Variants in NPAS3 observed in about 807,000 individuals in gnomAD.
The protein encoded by NPAS3 is neuronal PAS domain-containing protein 3.
In NPAS3, 14 loss-of-function variants were observed where a neutral mutation model predicts 73.1. The observed-to-expected ratio is 0.19, with a 90% CI of 0.13 to 0.30. The LOEUF is 0.30. NPAS3 is among the 10% of genes least tolerant of loss of function. The pLI is 1.00. For synonymous variants in NPAS3, 620 were observed against 541.5 expected (o/e 1.14, Z -2.01); for missense variants, 1,096 against 1,250.0 (o/e 0.88, Z 1.86).
Position 33,137,235 on chromosome 14 carries a change from T to C in NPAS3, c.141-77947T>C, listed in dbSNP as rs142351834. Among the ~76,000 whole-genome samples, 969 of 152,320 alleles carry C rather than the reference T, an allele frequency of 6.4e-3. 3 individuals carry two copies. The highest frequency in any genetic ancestry group is 0.024 in the Middle Eastern group (7 of 294). ...CATTAAGTGATAAAATGAATGTTTTTAGTGACTAAGGGTGAGTAGTTGGAC... is the reference window on the plus strand; with the variant it reads ...CATTAAGTGATAAAATGAATGTTTTCAGTGACTAAGGGTGAGTAGTTGGAC... On this transcript the variant is annotated intron_variant, in intron 2 of 11. Transcript: ENST00000356141.
intron 5 of NPAS3, among the ~76,000 whole-genome samples, chr14:33,575,020 G>C (rs568266540): frequency 6.6e-6 from 1 of 152,180 alleles, no homozygotes; most frequent in Non-Finnish European, 1.5e-5. Context: ...CAGGAGGAAA[G>C]CTCAAAGCAG....
intron 4 of NPAS3, among the ~76,000 whole-genome samples, chr14:33,527,664 T>C (rs1433527195): frequency 6.6e-6 from 1 of 152,154 alleles, no homozygotes; most frequent in African/African-American, 2.4e-5. Context: ...GAAGTATTAA[T>C]AGAAAGAATG....
chr14:33,071,745 C>G (rs1364180485), intron 2 of NPAS3, among the ~76,000 whole-genome samples: 1 of 152,076 alleles, frequency 6.6e-6, no homozygotes, highest in Non-Finnish European at 1.5e-5. Flanking sequence ...ACAACCTAGT[C>G]AAAGTGGTAA....
At chr14:33,523,324 A>T (rs921658557) in intron 4 of NPAS3, among the ~76,000 whole-genome samples, 2 of 152,060 alleles carry the variant, frequency 1.3e-5, no homozygotes, top group African/African-American at 4.8e-5. Flanking sequence ...GTTATCTGAC[A>T]TCATTATTAC....
At chr14:33,191,539 T>G (rs1165927447) in intron 2 of NPAS3, among the ~76,000 whole-genome samples, 1 of 152,176 alleles carries the variant, frequency 6.6e-6, no homozygotes, top group East Asian at 1.9e-4. Context: ...ACCACTACAC[T>G]TCTATGGATC....
chr14:33,398,304 C>T (rs2047308546), intron 4 of NPAS3, among the ~76,000 whole-genome samples: 1 of 151,652 alleles, frequency 6.6e-6, no homozygotes, highest in Admixed American at 6.6e-5. Flanking sequence ...TTCCCTTCTG[C>T]TATTGGGAAG....
At chr14:33,276,688 G>A (rs913885545) in intron 3 of NPAS3, among the ~76,000 whole-genome samples, 4 of 152,034 alleles carry the variant, frequency 2.6e-5, no homozygotes, top group South Asian at 2.1e-4. Context: ...GGATTATTGT[G>A]AGGATCAAAG....
intron 4 of NPAS3, among the ~76,000 whole-genome samples, chr14:33,382,340 A>G (rs890236001): frequency 6.6e-6 from 1 of 152,308 alleles, no homozygotes; most frequent in East Asian, 1.9e-4. Context: ...TATTATTTCA[A>G]TCGATACCTA....
At chr14:33,541,374 C>G (rs1328361383) in intron 4 of NPAS3, among the ~76,000 whole-genome samples, 1 of 152,208 alleles carries the variant, frequency 6.6e-6, no homozygotes, top group Non-Finnish European at 1.5e-5. Flanking sequence ...TTCCCACACA[C>G]TGTGTTCACC....
intron 4 of NPAS3, among the ~76,000 whole-genome samples, chr14:33,384,848 T>C (rs965189823): frequency 6.6e-6 from 1 of 152,200 alleles, no homozygotes; most frequent in Non-Finnish European, 1.5e-5. Flanking sequence ...CCCAGGAATC[T>C]AGTTGATGAA....
intron 2 of NPAS3, among the ~76,000 whole-genome samples, chr14:33,137,730 T>C (rs576903331): frequency 4.6e-5 from 7 of 152,320 alleles, no homozygotes; most frequent in Admixed American, 1.3e-4. Flanking sequence ...AAATTTAACA[T>C]CTCAAGAATG....
chr14:33,753,104 G>C (rs1247696514), intron 7 of NPAS3, among the ~76,000 whole-genome samples: 1 of 152,112 alleles, frequency 6.6e-6, no homozygotes, highest in South Asian at 2.1e-4. Flanking sequence ...TTCGAGAAGT[G>C]TTAAAACACT....
chr14:33,456,171 C>T (rs867104919), intron 4 of NPAS3, among the ~76,000 whole-genome samples: 6 of 152,136 alleles, frequency 3.9e-5, no homozygotes, highest in South Asian at 2.1e-4. Flanking sequence ...GCATTAGCTA[C>T]GAAGATTTAT....
Position 33,800,627 on chromosome 14 carries a change from G to C in NPAS3, c.2320G>C (p.Gly774Arg). ...GGGCGGGGGCGGGGGCGGCGGCGCGGGGGGCGGCGGCCCCAGCGCGTCCAA... is the reference window on the plus strand; with the variant it reads ...GGGCGGGGGCGGGGGCGGCGGCGCGCGGGGCGGCGGCCCCAGCGCGTCCAA... The change falls in exon 12 of 12, where the codon GGG becomes CGG. Residue 774 changes from glycine to arginine, a missense_variant. Coordinates refer to ENST00000356141, the Ensembl canonical transcript of NPAS3. The surrounding 1 kb of genome is among the most constrained non-coding windows in gnomAD (Gnocchi z 6.5). The C allele has an allele frequency of 7.3e-7, 1 of 1,378,996 alleles. No individual in the cohort carries two copies. The highest frequency in any genetic ancestry group is 1.8e-5 in the South Asian group (1 of 55,814). 85.4% of individuals were successfully genotyped at this position (1,378,996 alleles called of 1,614,324 possible).
chr14:33,628,384 G>T (rs1425118249), intron 5 of NPAS3, among the ~76,000 whole-genome samples: 1 of 152,174 alleles, frequency 6.6e-6, no homozygotes, highest in African/African-American at 2.4e-5. Context: ...AAAATGTAAA[G>T]TCAATGAAGA....
chr14:33,210,892 T>C (rs1594404199), intron 2 of NPAS3, among the ~76,000 whole-genome samples: 1 of 152,268 alleles, frequency 6.6e-6, no homozygotes, highest in East Asian at 1.9e-4. Flanking sequence ...GAATAGACCA[T>C]AGGCAAAATG....
chr14:33,111,843 G>A (rs1237260644), intron 2 of NPAS3, among the ~76,000 whole-genome samples: 8 of 103,388 alleles, frequency 7.7e-5, no homozygotes, highest in African/African-American at 2.2e-4. Context: ...AACAGGCCCC[G>A]GTGTGTGATG....
chr14:33,147,730 A>AAAAAAAAAATATATATAT (rs372663411), intron 2 of NPAS3, among the ~76,000 whole-genome samples: 2 of 130,388 alleles, frequency 1.5e-5, no homozygotes, highest in African/African-American at 6.5e-5. Flanking sequence ...TAGAATAAAA[A>AAAAAAAAAATATATATAT]ATATATATAT....
intron 3 of NPAS3, among the ~76,000 whole-genome samples, chr14:33,321,208 G>C (rs1009244560): frequency 6.6e-6 from 1 of 152,114 alleles, no homozygotes; most frequent in Non-Finnish European, 1.5e-5. Context: ...CCAATGATTA[G>C]AGCCCATTCT....
Sources: gnomAD v4.1 joint callset for allele counts (sites outside exome capture counted in the v4.1 genomes callset) on GRCh38, gnomAD v4.1.1 for gene constraint, Gnocchi (gnomAD v3.1) non-coding constraint, MANE v1.5 for transcripts, NCBI Gene and HGNC (gene_info 2026-07-23, HGNC 2026-07-21) for gene names.